C19orf38: variants seen among roughly 807,000 people sequenced by gnomAD.
C19orf38 encodes the protein protein HIDE1.
Under a neutral mutation model 26.6 loss-of-function variants are expected in C19orf38, and 14 were observed. The ratio of observed to expected loss-of-function variants is 0.53; its 90% confidence interval spans 0.35 to 0.82. The LOEUF is 0.82. Among genes scored for constraint, C19orf38 ranks in the 40% least tolerant of loss-of-function variants. The pLI is 0.01. For missense variants in C19orf38, 261 were observed against 299.5 expected (o/e 0.87, Z 0.95); for synonymous variants, 132 against 128.5 (o/e 1.03, Z -0.18).
chr19:10,848,096 C>T (rs2073532502), upstream of C19orf38, among the ~76,000 whole-genome samples: 1 of 152,142 alleles, frequency 6.6e-6, no homozygotes, highest in African/African-American at 2.4e-5. Flanking sequence ...GAGGCTGAGG[C>T]AGGAGAATCA....
At chr19:10,839,760 G>A (rs890978920) in intron 1 of C19orf38, among the ~76,000 whole-genome samples, 4 of 137,726 alleles carry the variant, frequency 2.9e-5, no homozygotes, top group African/African-American at 1.1e-4. Flanking sequence ...AGACAGTCTC[G>A]CTGTGTTACT....
chr19:10,861,947 G>C (rs899322596), intron 5 of C19orf38, among the ~76,000 whole-genome samples: 8 of 151,828 alleles, frequency 5.3e-5, no homozygotes, highest in Non-Finnish European at 7.4e-5. Flanking sequence ...CGCCCAGGCT[G>C]GAGTGCGGTG....
chr19:10,842,434 G>A (rs1204312098), intron 1 of C19orf38, among the ~76,000 whole-genome samples: 1 of 151,916 alleles, frequency 6.6e-6, no homozygotes, highest in Non-Finnish European at 1.5e-5. Context: ...CTAATTTTTT[G>A]TATTTTTAGT....
chr19:10,843,767 G>T (rs1281209827), upstream of C19orf38, among the ~76,000 whole-genome samples: 1 of 152,152 alleles, frequency 6.6e-6, no homozygotes, highest in Non-Finnish European at 1.5e-5. Context: ...ACGGGACACT[G>T]CAGGTAACAA....
upstream of C19orf38, among the ~76,000 whole-genome samples, chr19:10,844,993 C>CAAAAAAAAAAAAAA (rs57500129): frequency 2.7e-3 from 255 of 95,756 alleles, 2 homozygotes; most frequent in African/African-American, 8.3e-3. Context: ...CCTTTCTCTA[C>CAAAAAAAAAAAAAA]AAAAAAAAAA....
chr19:10,850,935 C>G (rs2073566280), intron 2 of C19orf38, among the ~76,000 whole-genome samples: 2 of 152,196 alleles, frequency 1.3e-5, no homozygotes, highest in African/African-American at 4.8e-5. Context: ...GAAACTGAGG[C>G]ACAGGAGGTA....
chr19:10,850,157 AAC>A, intron 1 of C19orf38, 100 bp from the exon 2 acceptor site: 1 of 1,179,838 alleles, frequency 8.5e-7, no homozygotes, highest in Non-Finnish European at 1.2e-6. Flanking sequence ...ACTCACAGAA[AAC>A]ACAAGGCTGA....
chr19:10,843,190 T>A (rs1343817387), intron 1 of C19orf38, among the ~76,000 whole-genome samples: 1 of 152,054 alleles, frequency 6.6e-6, no homozygotes, highest in Non-Finnish European at 1.5e-5. Context: ...AGAAAACCAA[T>A]TAGGAAAGGG....
At chr19:10,847,391 G>A (rs929592268), upstream of C19orf38, among the ~76,000 whole-genome samples, 1 of 29,950 alleles carries the variant, frequency 3.3e-5, no homozygotes, top group Non-Finnish European at 6.5e-5. Context: ...TTTTTTTTTT[G>A]AGATGGAATT....
At chr19:10,853,859 G>A (rs538726446) in intron 2 of C19orf38, among the ~76,000 whole-genome samples, 36 of 149,816 alleles carry the variant, frequency 2.4e-4, no homozygotes, top group African/African-American at 8.4e-4. Context: ...GCCTCCCAAA[G>A]TGCTGAGATT....
chr19:10,856,700 T>C (rs2073629441), intron 3 of C19orf38, among the ~76,000 whole-genome samples: 1 of 151,834 alleles, frequency 6.6e-6, no homozygotes, highest in Admixed American at 6.6e-5. Flanking sequence ...GATGTGGTTT[T>C]GCCATGTTGC....
chr19:10,869,444 C>G lies in C19orf38; in HGVS notation c.*77C>G. 6.9e-7 allele frequency: 1 copy of G among 1,442,032 alleles called. No homozygotes were observed. The allele number at this position is 1,442,032 out of a possible 1,614,324, so 89.3% of individuals were successfully genotyped here. A position where few individuals can be genotyped will look rare whatever the true frequency, so the allele number is the denominator to read the frequency against. On this transcript the variant is annotated 3_prime_UTR_variant, in exon 7 of 7. Coordinates refer to ENST00000397820, the MANE Select transcript of C19orf38 (RefSeq NM_001136482.3). ...CCCTCCAGCTACTTCTGGGGGGGCTCTGTCAGCCACTTTCTCAGGGAATTG... is the reference window on the plus strand; with the variant it reads ...CCCTCCAGCTACTTCTGGGGGGGCTGTGTCAGCCACTTTCTCAGGGAATTG...
chr19:10,853,910 T>C (rs2073598892), intron 2 of C19orf38, among the ~76,000 whole-genome samples: 1 of 150,696 alleles, frequency 6.6e-6, no homozygotes, highest in Admixed American at 6.6e-5. Context: ...TTTTTTTTTT[T>C]TTTTTTTTAA....
At position 10,869,656 on chromosome 19, in the gene C19orf38, C is replaced by T. The variant is rs772432893; in HGVS notation, c.*289C>T. ...CTTGTCCCCCAGCTGGGCCATAAGA[C>T]GTCCCAGGTCTCTGCACACCCGTGG... On this transcript the variant is annotated 3_prime_UTR_variant, in exon 7 of 7. Transcript: ENST00000397820. 29 of 413,476 alleles carry T rather than the reference C, an allele frequency of 7.0e-5. No homozygotes were observed. The highest frequency in any genetic ancestry group is 3.5e-4 in the African/African-American group (17 of 48,438). The allele number at this position is 413,476 out of a possible 1,614,324, so 25.6% of individuals were successfully genotyped here. A position where few individuals can be genotyped will look rare whatever the true frequency, so the allele number is the denominator to read the frequency against.
intron 1 of C19orf38, among the ~76,000 whole-genome samples, chr19:10,839,360 T>G (rs946385709): frequency 1.3e-5 from 2 of 152,214 alleles, no homozygotes; most frequent in African/African-American, 4.8e-5. Context: ...TATCTATGTT[T>G]GCAGCTTGAG....
intron 1 of C19orf38, among the ~76,000 whole-genome samples, chr19:10,842,931 A>G (rs2073489951): frequency 6.6e-6 from 1 of 152,218 alleles, no homozygotes; most frequent in Non-Finnish European, 1.5e-5. Flanking sequence ...GCAGTTCTCA[A>G]GCTCTTGTCC....
chr19:10,862,382 T>A (rs1374638028), intron 5 of C19orf38, among the ~76,000 whole-genome samples: 2 of 151,960 alleles, frequency 1.3e-5, no homozygotes, highest in Admixed American at 6.6e-5. Flanking sequence ...TTTTTAAATT[T>A]TTTTTTCTAG....
intron 1 of C19orf38, chr19:10,842,265 T>A: frequency 3.0e-6 from 1 of 328,952 alleles, no homozygotes; most frequent in Non-Finnish European, 5.1e-6. Context: ...AATAAAATAC[T>A]TTTTTTTTTT....
intron 6 of C19orf38, among the ~76,000 whole-genome samples, chr19:10,864,614 AT>A (rs2146277032): frequency 6.6e-6 from 1 of 152,198 alleles, no homozygotes; most frequent in African/African-American, 2.4e-5. Context: ...AGGAGGACAG[AT>A]TTGGGGAAAG....
Sources: allele counts gnomAD v4.1 joint callset (sites outside exome capture counted in the v4.1 genomes callset), GRCh38; gene constraint gnomAD v4.1.1; transcripts MANE v1.5; gene names NCBI Gene and HGNC (gene_info 2026-07-23, HGNC 2026-07-21).